Variants in PTPRT observed in about 807,000 individuals in gnomAD.
PTPRT encodes receptor-type tyrosine-protein phosphatase T.
A neutral mutation model predicts 176.8 loss-of-function variants in PTPRT; 56 were observed. That is an observed-to-expected ratio of 0.32 (90% CI 0.26 to 0.40). The LOEUF (loss-of-function observed/expected upper bound fraction) is 0.40, where lower values mean the gene tolerates loss of function less well. Ranked by LOEUF, PTPRT falls within the 10% of genes least tolerant of loss-of-function variation. The pLI is 1.00. For synonymous variants in PTPRT, 783 were observed against 739.0 expected, an observed-to-expected ratio of 1.06 and a Z score of -0.96; for missense variants, 1,540 against 1,908.2, an observed-to-expected ratio of 0.81 and a Z score of 3.60.
At chr20:43,055,412 T>C (rs955564985) in intron 1 of PTPRT, among the ~76,000 whole-genome samples, 1 of 152,142 alleles carries the variant, frequency 6.6e-6, no homozygotes, top group African/African-American at 2.4e-5. Flanking sequence ...TCTCCTCCCC[T>C]TTCACCCTGG....
chr20:42,874,228 C>T (rs1453852620), intron 2 of PTPRT, among the ~76,000 whole-genome samples: 1 of 152,166 alleles, frequency 6.6e-6, no homozygotes, highest in East Asian at 1.9e-4. Context: ...AGAACGTCAT[C>T]TCTGTGGTCC....
intron 1 of PTPRT, among the ~76,000 whole-genome samples, chr20:43,106,451 A>T (rs1022524825): frequency 6.6e-6 from 1 of 152,074 alleles, no homozygotes; most frequent in Non-Finnish European, 1.5e-5. Flanking sequence ...TGAGGTCAGG[A>T]GTTCGAACCA....
At position 42,076,711 on chromosome 20, in the gene PTPRT, G is replaced by A. The variant is rs545422320; in HGVS notation, c.*4168C>T. ...CCGTCATAGCGGGGTGAACAGAACA[G>A]AACAACATGAGGAACAGAGCACATT... On this transcript the variant is annotated 3_prime_UTR_variant, in exon 31 of 31. Coordinates refer to ENST00000373187, the MANE Select transcript of PTPRT (RefSeq NM_007050.6). The A allele has an allele frequency of 3.1e-4, 61 of 198,780 alleles. 1 individual carries two copies. Among genetic ancestry groups the A allele is most frequent in the Non-Finnish European group, 5.2e-4 (51 of 98,368 alleles). The allele number at this position is 198,780 out of a possible 1,614,324, so 12.3% of individuals were successfully genotyped here.
At chr20:42,411,961 C>A (rs999412502) in intron 9 of PTPRT, among the ~76,000 whole-genome samples, 3 of 152,092 alleles carry the variant, frequency 2.0e-5, no homozygotes, top group African/African-American at 2.4e-5. Flanking sequence ...ATATAATAAT[C>A]AACTCAGAAC....
At chr20:42,868,779 C>T in intron 2 of PTPRT, among the ~76,000 whole-genome samples, 1 of 152,194 alleles carries the variant, frequency 6.6e-6, no homozygotes, top group Non-Finnish European at 1.5e-5. Context: ...TTGTCACTCT[C>T]ATCACAGGCC....
chr20:42,866,269 AT>A (rs2078744827), intron 2 of PTPRT, among the ~76,000 whole-genome samples: 1 of 152,108 alleles, frequency 6.6e-6, no homozygotes, highest in Non-Finnish European at 1.5e-5. Context: ...CATCCTGGCC[AT>A]TTTTAGCACA....
chr20:42,687,128 C>T (rs928676566), intron 6 of PTPRT: 9 of 152,006 alleles, frequency 5.9e-5, no homozygotes, highest in African/African-American at 2.2e-4. Context: ...TCCCAACCAG[C>T]CACCGATGAG....
chr20:42,688,046 C>T (rs2146106520), intron 6 of PTPRT: 1 of 152,284 alleles, frequency 6.6e-6, no homozygotes, highest in Non-Finnish European at 1.5e-5. Flanking sequence ...CACCCTGTTA[C>T]ATCAGTTATG....
chr20:43,045,852 G>C (rs996295679), intron 1 of PTPRT, among the ~76,000 whole-genome samples: 5 of 152,056 alleles, frequency 3.3e-5, no homozygotes, highest in African/African-American at 1.2e-4. Context: ...AATTACAGAT[G>C]ACAAAGGTGA....
intron 9 of PTPRT, 138 bp downstream of exon 9, chr20:42,448,082 T>C (rs1041724389): frequency 7.0e-6 from 5 of 712,634 alleles, no homozygotes; most frequent in African/African-American, 7.0e-5. Context: ...TTGCACCCCA[T>C]TGTACTGTCA....
In PTPRT at chr20:43,097,866, G is replaced by A. The variant is rs143968191; in HGVS notation, c.88+91780C>T. 2.3e-3 allele frequency among the ~76,000 whole-genome samples: 345 copies of A among 152,280 alleles called. 1 individual carries two copies. Among genetic ancestry groups the A allele is most frequent in the Middle Eastern group, 6.8e-3 (2 of 294 alleles). ...TTATGATCTTAAGTATCTTCTGTGT[G>A]GCTCTGACAACCCCAAAACTTCTCT... On this transcript the variant is annotated intron_variant, in intron 1 of 30. Transcript: ENST00000373187.
At chr20:42,106,720 C>A in intron 24 of PTPRT, 66 bp downstream of exon 24, 1 of 1,570,080 alleles carries the variant, frequency 6.4e-7, no homozygotes, top group Non-Finnish European at 8.7e-7. Flanking sequence ...TCTCTCCGTT[C>A]TATCATCATG....
intron 7 of PTPRT, among the ~76,000 whole-genome samples, chr20:42,564,723 G>A (rs1475492563): frequency 1.3e-5 from 2 of 152,184 alleles, no homozygotes; most frequent in African/African-American, 2.4e-5. Context: ...AAACCTGCAC[G>A]TTCTGCACAT....
At chr20:42,517,798 A>G (rs1236073918) in intron 7 of PTPRT, among the ~76,000 whole-genome samples, 2 of 152,012 alleles carry the variant, frequency 1.3e-5, no homozygotes, top group South Asian at 2.1e-4. Context: ...AAATAAAGTT[A>G]CTTTTTATTG....
intron 7 of PTPRT, among the ~76,000 whole-genome samples, chr20:42,515,352 A>G (rs1440774134): frequency 6.6e-6 from 1 of 152,008 alleles, no homozygotes; most frequent in Non-Finnish European, 1.5e-5. Flanking sequence ...GTGTGGTGGC[A>G]TGTGCCCGTA....
At position 42,120,078 on chromosome 20, in the gene PTPRT, T is replaced by C. The variant is rs1261105745; in HGVS notation, c.2848-107A>G. 4.1e-6 allele frequency: 4 copies of C among 971,900 alleles called. No individual in the cohort carries two copies. In the African/African-American group the frequency reaches 5.0e-5, roughly 12 times the overall value. 60.2% of individuals were successfully genotyped at this position (971,900 alleles called of 1,614,324 possible). ...AGTCTTGATTTTCTCATGGGCAAAA[T>C]GAGAACAGCATCAGTTATTCCCAGA... On this transcript the variant is annotated intron_variant, in intron 19 of 30. Transcript: ENST00000373187.
intron 1 of PTPRT, among the ~76,000 whole-genome samples, chr20:42,935,996 C>T (rs1180236251): frequency 6.6e-6 from 1 of 152,200 alleles, no homozygotes; most frequent in East Asian, 1.9e-4. Flanking sequence ...AATCTGCCTA[C>T]CTTGGCCTCC....
At chr20:42,958,645 C>T (rs1047591117) in intron 1 of PTPRT, among the ~76,000 whole-genome samples, 1 of 152,040 alleles carries the variant, frequency 6.6e-6, no homozygotes. Context: ...TTGTCCCCTG[C>T]ACCTCCCTCT....
intron 15 of PTPRT, among the ~76,000 whole-genome samples, chr20:42,230,166 A>T (rs1044520775): frequency 6.6e-6 from 1 of 152,166 alleles, no homozygotes; most frequent in African/African-American, 2.4e-5. Flanking sequence ...ATCGGATTTG[A>T]ATATATTGAG....
Sources: allele counts gnomAD v4.1 joint callset (sites outside exome capture counted in the v4.1 genomes callset), GRCh38; gene constraint gnomAD v4.1.1; transcripts MANE v1.5; gene names NCBI Gene and HGNC (gene_info 2026-07-23, HGNC 2026-07-21).